The following MYO16 variants were observed in gnomAD, a reference collection of about 807,000 sequenced individuals.
MYO16 encodes the protein unconventional myosin-XVI.
MYO16 carries 94 observed loss-of-function variants against 205.3 expected under a neutral mutation model. That is an observed-to-expected ratio of 0.46 (90% CI 0.39 to 0.54). The LOEUF (loss-of-function observed/expected upper bound fraction) is 0.54, where lower values mean the gene tolerates loss of function less well. MYO16 is among the 20% of genes least tolerant of loss of function. The pLI, the probability that MYO16 is intolerant of heterozygous loss-of-function variation, is 0.00. For synonymous variants in MYO16, 988 were observed against 954.0 expected (o/e 1.04, Z -0.66); for missense variants, 2,315 against 2,387.5 (o/e 0.97, Z 0.63).
At chr13:108,802,218 C>T (rs1452363071) in intron 6 of MYO16, among the ~76,000 whole-genome samples, 1 of 152,132 alleles carries the variant, frequency 6.6e-6, no homozygotes, top group African/African-American at 2.4e-5. Flanking sequence ...ACTTCGAACC[C>T]TTCGACCAAC....
At chr13:108,741,427 T>C (rs1884907535) in intron 4 of MYO16, among the ~76,000 whole-genome samples, 1 of 152,162 alleles carries the variant, frequency 6.6e-6, no homozygotes, top group East Asian at 1.9e-4. Context: ...GCAGTACACT[T>C]GGGGGCCACC....
chr13:109,052,189 C>T (rs1331463527), intron 24 of MYO16, 111 bp from the exon 25 acceptor site: 20 of 862,266 alleles, frequency 2.3e-5, no homozygotes, highest in African/African-American at 3.4e-5. Flanking sequence ...GAACGAATGA[C>T]GTCTTGCACC....
At chr13:109,174,136 G>A (rs931993620) in intron 33 of MYO16, among the ~76,000 whole-genome samples, 4 of 152,090 alleles carry the variant, frequency 2.6e-5, no homozygotes, top group Admixed American at 6.6e-5. Context: ...GAAGAGGAAG[G>A]TGTCAAGAAC....
In MYO16 at chr13:109,191,878, G is replaced by A. The variant is rs560730612; in HGVS notation, c.5415+12245G>A. On this transcript the variant is annotated intron_variant, in intron 34 of 34. Coordinates refer to ENST00000457511, the MANE Select transcript of MYO16 (RefSeq NM_001198950.3). ...TTAATCTGTTCAGAGTATAAGTAAA[G>A]GTTAAATGTTTGCCTTTTTTTGTAA... is the stretch of plus-strand genomic sequence containing the variant. 4.6e-5 allele frequency among the ~76,000 whole-genome samples: 7 copies of A among 152,248 alleles called. No homozygotes were observed. In the South Asian group the frequency reaches 6.2e-4, roughly 14 times the overall value.
At chr13:108,963,767 A>G (rs547567211) in intron 19 of MYO16, among the ~76,000 whole-genome samples, 1 of 152,104 alleles carries the variant, frequency 6.6e-6, no homozygotes, top group African/African-American at 2.4e-5. Context: ...TGAGCTCACT[A>G]TTAGTATCTA....
At position 109,179,639 on chromosome 13, in the gene MYO16, G is replaced by A; in HGVS notation, c.5415+6G>A. 3.7e-6 allele frequency: 6 copies of A among 1,606,110 alleles called. No individual in the cohort carries two copies. Among genetic ancestry groups the A allele is most frequent in the Non-Finnish European group, 5.1e-6 (6 of 1,172,832 alleles). On this transcript the variant is annotated splice_donor_region_variant and intron_variant, in intron 34 of 34. Coordinates refer to ENST00000457511, the MANE Select transcript of MYO16 (RefSeq NM_001198950.3). Reference sequence around the variant, plus strand: ...GGGACAGTCACACCACTCAGGTAATGATGTCTGTCTGTTCACATGTGCAGT... The same window carrying A: ...GGGACAGTCACACCACTCAGGTAATAATGTCTGTCTGTTCACATGTGCAGT...
chr13:108,901,793 G>A (rs1290693261), intron 15 of MYO16, among the ~76,000 whole-genome samples: 1 of 152,128 alleles, frequency 6.6e-6, no homozygotes, highest in Non-Finnish European at 1.5e-5. Flanking sequence ...TTATTTAAGA[G>A]TAATAAACTG....
intron 23 of MYO16, among the ~76,000 whole-genome samples, chr13:109,023,551 TTTA>T (rs1459741615): frequency 8.1e-6 from 1 of 123,060 alleles, no homozygotes; most frequent in African/African-American, 3.1e-5. Flanking sequence ...TAGGTATATA[TTTA>T]TTATATATAC....
At chr13:108,782,067 G>A (rs1281716396) in intron 4 of MYO16, among the ~76,000 whole-genome samples, 1 of 152,202 alleles carries the variant, frequency 6.6e-6, no homozygotes, top group Non-Finnish European at 1.5e-5. Context: ...ACCCAAAAAT[G>A]TGGAAGCAAC....
chr13:108,513,343 T>C, the MYO16 span, among the ~76,000 whole-genome samples: 1 of 17,158 alleles, frequency 5.8e-5, no homozygotes, highest in Non-Finnish European at 9.0e-5. Flanking sequence ...TTTTTTATTG[T>C]GTCTATTTGA....
At chr13:109,177,140 G>T (rs1329752144) in intron 33 of MYO16, among the ~76,000 whole-genome samples, 2 of 151,994 alleles carry the variant, frequency 1.3e-5, no homozygotes, top group Non-Finnish European at 2.9e-5. Context: ...CTCCTCGAAG[G>T]CCCAGGTCCT....
chr13:108,633,663 C>T (rs1880089199), intron 1 of MYO16, among the ~76,000 whole-genome samples: 1 of 152,198 alleles, frequency 6.6e-6, no homozygotes, highest in South Asian at 2.1e-4. Context: ...ATCCTTCAAT[C>T]CAACCAAGTT....
At chr13:109,065,075 C>T (rs1227705683) in intron 27 of MYO16, among the ~76,000 whole-genome samples, 1 of 152,156 alleles carries the variant, frequency 6.6e-6, no homozygotes, top group Non-Finnish European at 1.5e-5. Flanking sequence ...GGGATGCACA[C>T]GATGGTCCCT....
chr13:108,754,031 C>T (rs1012405571), intron 4 of MYO16, among the ~76,000 whole-genome samples: 9 of 152,142 alleles, frequency 5.9e-5, no homozygotes, highest in Non-Finnish European at 1.0e-4. Flanking sequence ...GCAGTCATTG[C>T]GTTCTAGTAG....
chr13:108,556,129 C>T, the MYO16 span, among the ~76,000 whole-genome samples: 2 of 151,980 alleles, frequency 1.3e-5, no homozygotes, highest in Non-Finnish European at 2.9e-5. Context: ...CTTTGACACA[C>T]TGACTTTATT....
chr13:108,669,132 A>G (rs1881873278), intron 2 of MYO16, among the ~76,000 whole-genome samples: 1 of 152,130 alleles, frequency 6.6e-6, no homozygotes, highest in Admixed American at 6.6e-5. Flanking sequence ...AAGTCTAAGA[A>G]CTGAGTCCCA....
intron 21 of MYO16, 44 bp from the exon 22 acceptor site, chr13:109,008,853 A>G: frequency 6.4e-7 from 1 of 1,566,674 alleles, no homozygotes. Flanking sequence ...TGTATGCACT[A>G]CTGTACTATC....
chr13:109,130,615 G>A lies in MYO16; in HGVS notation c.4051+3065G>A, dbSNP rs551130375. Among the ~76,000 whole-genome samples, 3 of 152,344 alleles carry A rather than the reference G, an allele frequency of 2.0e-5. No homozygotes were observed. In the East Asian group the frequency reaches 5.8e-4, roughly 29 times the overall value. On this transcript the variant is annotated intron_variant, in intron 31 of 34. Transcript: ENST00000457511. ...GAGCTTAGCCACTCAGTCTGTCAGTGGTCTGGGTTTGTAATCCATGATCGC... is the reference window on the plus strand; with the variant it reads ...GAGCTTAGCCACTCAGTCTGTCAGTAGTCTGGGTTTGTAATCCATGATCGC...
chr13:109,016,496 G>C (rs746020836), intron 22 of MYO16, among the ~76,000 whole-genome samples: 11 of 152,180 alleles, frequency 7.2e-5, no homozygotes, highest in Non-Finnish European at 1.3e-4. Context: ...GTGCAGAGCT[G>C]AGTTCAAGTC....
Sources: gnomAD v4.1 joint callset for allele counts (sites outside exome capture counted in the v4.1 genomes callset) on GRCh38, gnomAD v4.1.1 for gene constraint, MANE v1.5 for transcripts, NCBI Gene and HGNC (gene_info 2026-07-23, HGNC 2026-07-21) for gene names.